NUBPL: variants seen among roughly 807,000 people sequenced by gnomAD.
NUBPL encodes the protein iron-sulfur cluster transfer protein NUBPL.
In NUBPL, 31 loss-of-function variants were observed where a neutral mutation model predicts 45.7. The ratio of observed to expected loss-of-function variants is 0.68; its 90% CI spans 0.51 to 0.92. The LOEUF is 0.92. Ranked by LOEUF, NUBPL falls within the 40% of genes least tolerant of loss-of-function variation. The probability of loss-of-function intolerance (pLI) is 0.00; values close to 1 mark genes in which losing one functional copy is unlikely to be tolerated. For missense variants in NUBPL, 401 were observed against 398.7 expected (o/e 1.01, Z -0.05); for synonymous variants, 144 against 140.9 (o/e 1.02, Z -0.15).
At chr14:31,564,731 T>C (rs899568747) in intron 2 of NUBPL, among the ~76,000 whole-genome samples, 1 of 152,174 alleles carries the variant, frequency 6.6e-6, no homozygotes, top group African/African-American at 2.4e-5. Flanking sequence ...TGAACAAAAT[T>C]GTAACAGAAA....
chr14:31,637,279 G>C (rs1595407212), intron 4 of NUBPL, among the ~76,000 whole-genome samples: 1 of 152,148 alleles, frequency 6.6e-6, no homozygotes, highest in East Asian at 1.9e-4. Flanking sequence ...AGAGATTCTG[G>C]TATGTTGTGT....
At chr14:31,809,570 C>G (rs2039759654) in intron 7 of NUBPL, among the ~76,000 whole-genome samples, 1 of 152,108 alleles carries the variant, frequency 6.6e-6, no homozygotes, top group South Asian at 2.1e-4. Context: ...AAAACCAGCT[C>G]CTGGATTCAT....
Position 31,636,768 on chromosome 14 carries a change from G to T in NUBPL, c.383-36587G>T, listed in dbSNP as rs552054427. On this transcript the variant is annotated intron_variant, in intron 4 of 10. Transcript: ENST00000281081. ...TATTGATTATTGCCACAATTTCAGA[G>T]CCTGTTATTGGTCTATTCAGAGATT... 4.2e-3 allele frequency among the ~76,000 whole-genome samples: 646 copies of T among 152,222 alleles called. 5 individuals carry two copies. Among genetic ancestry groups the T allele is most frequent in the Admixed American group, 7.9e-3 (120 of 15,286 alleles).
At chr14:31,706,710 A>G (rs144839678) in intron 6 of NUBPL, among the ~76,000 whole-genome samples, 1,634 of 152,282 alleles carry the variant, frequency 0.011, 24 homozygotes, top group African/African-American at 0.037. Context: ...CAAAGAGTCT[A>G]TTTGGGATTG....
intron 3 of NUBPL, among the ~76,000 whole-genome samples, chr14:31,598,345 T>C (rs938931384): frequency 8.5e-5 from 13 of 152,248 alleles, no homozygotes; most frequent in Admixed American, 7.8e-4. Flanking sequence ...TCAAAAAATT[T>C]TGTCGAGGGG....
chr14:31,642,807 T>G (rs575328908), intron 4 of NUBPL, among the ~76,000 whole-genome samples: 2 of 152,282 alleles, frequency 1.3e-5, no homozygotes, highest in East Asian at 3.9e-4. Flanking sequence ...CTTCCCTTTG[T>G]AAAAATGTCC....
At chr14:31,755,076 A>G (rs1253751716) in intron 6 of NUBPL, among the ~76,000 whole-genome samples, 1 of 151,484 alleles carries the variant, frequency 6.6e-6, no homozygotes, top group African/African-American at 2.4e-5. Flanking sequence ...TATGTGCCAC[A>G]TTTTCTTAAT....
intron 7 of NUBPL, among the ~76,000 whole-genome samples, chr14:31,788,517 A>G (rs1246243411): frequency 6.6e-6 from 1 of 152,140 alleles, no homozygotes; most frequent in East Asian, 1.9e-4. Flanking sequence ...CCAGTGTTGG[A>G]TATGAAGTCT....
chr14:31,665,637 G>A (rs180914532), intron 4 of NUBPL, among the ~76,000 whole-genome samples: 13 of 152,294 alleles, frequency 8.5e-5, no homozygotes, highest in Admixed American at 4.6e-4. Flanking sequence ...GGCAAGGAGT[G>A]TTTTACTGCC....
At chr14:31,569,849 A>G (rs1566418919) in intron 3 of NUBPL, among the ~76,000 whole-genome samples, 1 of 152,174 alleles carries the variant, frequency 6.6e-6, no homozygotes, top group Non-Finnish European at 1.5e-5. Context: ...GTACCCACTG[A>G]TCTTATATAT....
At chr14:31,754,107 C>T (rs993059909) in intron 6 of NUBPL, among the ~76,000 whole-genome samples, 1 of 152,108 alleles carries the variant, frequency 6.6e-6, no homozygotes, top group African/African-American at 2.4e-5. Context: ...ATGTTGGGCA[C>T]GTCTAGTCCA....
At chr14:31,824,970 C>A (rs1314575210) in intron 7 of NUBPL, among the ~76,000 whole-genome samples, 2 of 152,160 alleles carry the variant, frequency 1.3e-5, no homozygotes. Context: ...TTCAGCCAAT[C>A]TTAACCAGGC....
At chr14:31,777,227 C>A (rs926803058) in intron 6 of NUBPL, among the ~76,000 whole-genome samples, 2 of 152,202 alleles carry the variant, frequency 1.3e-5, no homozygotes, top group South Asian at 4.1e-4. Context: ...CAGGATCCAT[C>A]TTGAAGGACT....
At chr14:31,789,359 A>G (rs2039339632) in intron 7 of NUBPL, among the ~76,000 whole-genome samples, 1 of 151,988 alleles carries the variant, frequency 6.6e-6, no homozygotes, top group Non-Finnish European at 1.5e-5. Flanking sequence ...AAAAATAAAT[A>G]TTAGGAAAAT....
At chr14:31,583,901 C>T (rs1022790050) in intron 3 of NUBPL, among the ~76,000 whole-genome samples, 2 of 152,074 alleles carry the variant, frequency 1.3e-5, no homozygotes, top group Non-Finnish European at 2.9e-5. Flanking sequence ...CTTGACTGTA[C>T]AACTGAGTTG....
At chr14:31,670,785 T>A (rs1023228526) in intron 4 of NUBPL, among the ~76,000 whole-genome samples, 2 of 152,172 alleles carry the variant, frequency 1.3e-5, no homozygotes, top group Non-Finnish European at 2.9e-5. Flanking sequence ...TGGTTGTAGT[T>A]GTGTGGCCTT....
chr14:31,813,089 C>T (rs1267419152), intron 7 of NUBPL, among the ~76,000 whole-genome samples: 3 of 151,104 alleles, frequency 2.0e-5, no homozygotes, highest in South Asian at 2.1e-4. Context: ...CCTGGGTTCA[C>T]GCCATTCTCG....
chr14:31,731,239 G>A (rs935574086), intron 6 of NUBPL, among the ~76,000 whole-genome samples: 1 of 152,134 alleles, frequency 6.6e-6, no homozygotes, highest in Non-Finnish European at 1.5e-5. Context: ...AGATAGGTCA[G>A]AATAAACAGT....
At chr14:31,714,970 A>G (rs2037655923) in intron 6 of NUBPL, among the ~76,000 whole-genome samples, 1 of 152,190 alleles carries the variant, frequency 6.6e-6, no homozygotes, top group African/African-American at 2.4e-5. Flanking sequence ...ACACCAGCCT[A>G]AACTTTCTTC....
Sources: gnomAD v4.1 joint callset for allele counts (sites outside exome capture counted in the v4.1 genomes callset) on GRCh38, gnomAD v4.1.1 for gene constraint, MANE v1.5 for transcripts, NCBI Gene and HGNC (gene_info 2026-07-23, HGNC 2026-07-21) for gene names.